Variants in KCNIP4 observed in about 807,000 individuals in gnomAD.
KCNIP4 encodes Kv channel-interacting protein 4.
A neutral mutation model predicts 34.0 loss-of-function variants in KCNIP4; 12 were observed. That is an observed-to-expected ratio of 0.35 (90% confidence interval 0.23 to 0.57). KCNIP4 has a LOEUF of 0.57. Among genes scored for constraint, KCNIP4 ranks in the 20% least tolerant of loss-of-function variants. The probability of loss-of-function intolerance (pLI) is 0.83; values close to 1 mark genes in which losing one functional copy is unlikely to be tolerated. For synonymous variants in KCNIP4, 124 were observed against 102.2 expected, an observed-to-expected ratio of 1.21 and a Z score of -1.29; for missense variants, 238 against 311.7, an observed-to-expected ratio of 0.76 and a Z score of 1.78.
At chr4:21,147,672 C>G (rs1212756233) in intron 1 of KCNIP4, among the ~76,000 whole-genome samples, 1 of 152,086 alleles carries the variant, frequency 6.6e-6, no homozygotes, top group Non-Finnish European at 1.5e-5. Context: ...GGCGCGGTGG[C>G]TCACACCTGT....
intron 1 of KCNIP4, among the ~76,000 whole-genome samples, chr4:20,892,769 GTGTT>G (rs1489232117): frequency 6.6e-6 from 1 of 152,234 alleles, no homozygotes; most frequent in Non-Finnish European, 1.5e-5. Context: ...GCTTCTAAGT[GTGTT>G]TGTTTTTATC....
intron 1 of KCNIP4, among the ~76,000 whole-genome samples, chr4:20,953,345 T>G (rs1732976101): frequency 6.6e-6 from 1 of 152,142 alleles, no homozygotes; most frequent in African/African-American, 2.4e-5. Context: ...ACTTGAGACT[T>G]CTATATGGTT....
intron 1 of KCNIP4, among the ~76,000 whole-genome samples, chr4:21,836,534 T>A (rs1460163823): frequency 6.6e-6 from 1 of 152,176 alleles, no homozygotes; most frequent in South Asian, 2.1e-4. Context: ...AAAAAAAAAT[T>A]GAAAAAAATC....
At chr4:21,582,198 T>C (rs1446192766) in intron 1 of KCNIP4, 7 of 151,886 alleles carry the variant, frequency 4.6e-5, no homozygotes, top group African/African-American at 7.2e-5. Flanking sequence ...TAATGTAAAA[T>C]ATATGTTCTT....
intron 1 of KCNIP4, among the ~76,000 whole-genome samples, chr4:21,686,835 C>G (rs1750839288): frequency 6.6e-6 from 1 of 151,838 alleles, no homozygotes; most frequent in South Asian, 2.1e-4. Flanking sequence ...ACCCAAATGA[C>G]TATAAATCAT....
At chr4:21,082,684 A>C (rs1746101479) in intron 1 of KCNIP4, among the ~76,000 whole-genome samples, 1 of 151,816 alleles carries the variant, frequency 6.6e-6, no homozygotes, top group East Asian at 1.9e-4. Context: ...AAATGATGAG[A>C]AATGAGATAA....
chr4:20,919,535 C>T (rs780469087), intron 1 of KCNIP4, among the ~76,000 whole-genome samples: 1 of 151,904 alleles, frequency 6.6e-6, no homozygotes, highest in Non-Finnish European at 1.5e-5. Flanking sequence ...AACCCCATCT[C>T]TACTAAAAAT....
intron 1 of KCNIP4, among the ~76,000 whole-genome samples, chr4:21,833,641 G>T (rs1437947153): frequency 6.6e-6 from 1 of 152,024 alleles, no homozygotes; most frequent in Non-Finnish European, 1.5e-5. Flanking sequence ...ATTGCTTTTG[G>T]TGTTTTAGAC....
chr4:20,903,375 A>G (rs1727379204), intron 1 of KCNIP4, among the ~76,000 whole-genome samples: 1 of 152,184 alleles, frequency 6.6e-6, no homozygotes, highest in African/African-American at 2.4e-5. Flanking sequence ...AGCATGAGAC[A>G]TCAATCAGAT....
At chr4:21,892,469 T>G (rs1727152743) in intron 1 of KCNIP4, among the ~76,000 whole-genome samples, 1 of 151,226 alleles carries the variant, frequency 6.6e-6, no homozygotes, top group African/African-American at 2.4e-5. Flanking sequence ...TGTGAAAATT[T>G]CTGGGGCTCT....
intron 1 of KCNIP4, among the ~76,000 whole-genome samples, chr4:20,953,947 C>T (rs558802336): frequency 1.6e-4 from 25 of 152,230 alleles, no homozygotes; most frequent in African/African-American, 5.3e-4. Flanking sequence ...AGTAGAGTCA[C>T]GGGAAACACT....
chr4:21,409,352 A>C (rs1034662660), intron 1 of KCNIP4, among the ~76,000 whole-genome samples: 79 of 152,086 alleles, frequency 5.2e-4, no homozygotes, highest in African/African-American at 1.6e-3. Context: ...TCCTGGCCTC[A>C]AGTGATCCTC....
chr4:21,086,905 C>G (rs987532489), intron 1 of KCNIP4, among the ~76,000 whole-genome samples: 3 of 150,898 alleles, frequency 2.0e-5, no homozygotes, highest in African/African-American at 7.3e-5. Flanking sequence ...TTCTTTCTCC[C>G]TCTCTTTCCC....
At position 21,686,636 on chromosome 4, in the gene KCNIP4, T is replaced by A. The variant is rs1001710055; in HGVS notation, c.61+261935A>T. ...ATACAGGACCTACCCCATTTAAAAA[T>A]GTGTACAGTTAGAGAGAATTCACAC... is the stretch of plus-strand genomic sequence containing the variant. On this transcript the variant is annotated intron_variant, in intron 1 of 8. Coordinates refer to ENST00000382152, the MANE Select transcript of KCNIP4 (RefSeq NM_025221.6). Among the ~76,000 whole-genome samples the A allele has an allele frequency of 2.6e-5, 4 of 152,164 alleles. No homozygotes were observed. The South Asian group carries it at 8.3e-4, about 31-fold the overall frequency.
At chr4:21,471,824 A>G (rs1037591017) in intron 1 of KCNIP4, among the ~76,000 whole-genome samples, 1 of 152,216 alleles carries the variant, frequency 6.6e-6, no homozygotes, top group Non-Finnish European at 1.5e-5. Flanking sequence ...GACCTATGGT[A>G]TCCCTTTGGG....
chr4:21,905,486 T>TG (rs1161820168), intron 1 of KCNIP4, among the ~76,000 whole-genome samples: 1 of 152,132 alleles, frequency 6.6e-6, no homozygotes, highest in Non-Finnish European at 1.5e-5. Flanking sequence ...ACATGTGCCA[T>TG]GTTGGTGTGG....
intron 1 of KCNIP4, among the ~76,000 whole-genome samples, chr4:21,302,815 T>C (rs1711898460): frequency 6.6e-6 from 1 of 152,236 alleles, no homozygotes; most frequent in African/African-American, 2.4e-5. Context: ...TGCAATCTCA[T>C]TTATGTTACA....
At chr4:21,900,271 G>C (rs919873103) in intron 1 of KCNIP4, among the ~76,000 whole-genome samples, 1 of 152,156 alleles carries the variant, frequency 6.6e-6, no homozygotes, top group African/African-American at 2.4e-5. Flanking sequence ...AAAGTAATTA[G>C]AAAATTCGGA....
intron 1 of KCNIP4, among the ~76,000 whole-genome samples, chr4:21,615,740 G>A (rs1318880091): frequency 1.3e-5 from 2 of 152,104 alleles, no homozygotes; most frequent in East Asian, 3.9e-4. Context: ...TATTCTTTGA[G>A]AAGGCAAAAG....
Sources: gnomAD v4.1 joint callset for allele counts (sites outside exome capture counted in the v4.1 genomes callset) on GRCh38, gnomAD v4.1.1 for gene constraint, MANE v1.5 for transcripts, NCBI Gene and HGNC (gene_info 2026-07-23, HGNC 2026-07-21) for gene names.